The following MUC6 variants were observed in gnomAD, a reference collection of about 807,000 sequenced individuals.
MUC6 encodes the protein mucin-6.
A neutral mutation model predicts 201.5 loss-of-function variants in MUC6; 188 were observed. That is an observed-to-expected ratio of 0.93 (90% CI 0.83 to 1.05). The LOEUF (loss-of-function observed/expected upper bound fraction) is 1.05, where lower values mean the gene tolerates loss of function less well. Ranked by LOEUF, MUC6 falls within the 50% of genes least tolerant of loss-of-function variation. The pLI is 0.00. For missense variants in MUC6, 2,706 were observed against 3,256.9 expected (o/e 0.83, Z 4.12); for synonymous variants, 1,228 against 1,389.4 (o/e 0.88, Z 2.58).
chr11:1,016,234 A>G lies in MUC6; in HGVS notation c.6567T>C (p.Thr2189=). 6.2e-7 allele frequency: 1 copy of G among 1,613,378 alleles called. No homozygotes were observed. Among genetic ancestry groups the G allele is most frequent in the Non-Finnish European group, 8.5e-7 (1 of 1,179,758 alleles). The change falls in exon 31 of 33, where the codon ACT becomes ACC. Residue 2189 remains threonine (T), a synonymous_variant. Coordinates refer to ENST00000421673, the MANE Select transcript of MUC6 (RefSeq NM_005961.3). ...AAAGAGGAGATGCAGACACTGATGC[A>G]GTCGTGGGATGAGTGGACAATGAGG... is the stretch of plus-strand genomic sequence containing the variant. The part of the protein sequence containing the change: ...SHSSLSTHPT[T]ASVSASPLFP...
At chr11:1,026,615 G>A (rs1385908783) in intron 19 of MUC6, 137 bp from the exon 20 acceptor site, 2 of 1,142,820 alleles carry the variant, frequency 1.8e-6, no homozygotes, top group Admixed American at 6.1e-5. Context: ...GGCCTTTGTG[G>A]GCAGCTGGGC....
At position 1,033,133 on chromosome 11, in the gene MUC6, G is replaced by T. The variant is rs760983534; in HGVS notation, c.53-58C>A. 1.7e-5 allele frequency: 26 copies of T among 1,506,632 alleles called. No individual in the cohort carries two copies. The African/African-American group carries it at 2.9e-4, about 17-fold the overall frequency. 93.3% of individuals were successfully genotyped at this position (1,506,632 alleles called of 1,614,324 possible). A position where few individuals can be genotyped will look rare whatever the true frequency, so the allele number is the denominator to read the frequency against. On this transcript the variant is annotated intron_variant, in intron 1 of 32. Transcript: ENST00000421673. This position sits in a 1 kb window ranked among gnomAD's most constrained non-coding sequence, Gnocchi z 5.6. ...CTACCCCGTCGTCCCTGAGGGCGCC[G>T]CTCACCTCTGCTCAGGGCTGCTCCG...
At position 1,036,238 on chromosome 11, in the gene MUC6, C is replaced by A. The variant is rs529688219; in HGVS notation, c.52+366G>T. Among the ~76,000 whole-genome samples the A allele has an allele frequency of 5.3e-5, 8 of 152,316 alleles. No individual in the cohort carries two copies. In the South Asian group the frequency reaches 1.7e-3, roughly 32 times the overall value. ...TCCAGAGACCTCTCAGGACTCAGGA[C>A]CCCACTCGGGGAGGGAGAGCGCCAG... On this transcript the variant is annotated intron_variant, in intron 1 of 32. Coordinates refer to ENST00000421673, the MANE Select transcript of MUC6 (RefSeq NM_005961.3).
chr11:1,023,147 GTGAATGTGCGTGAA>G (rs1237328557), intron 26 of MUC6, among the ~76,000 whole-genome samples: 1 of 151,732 alleles, frequency 6.6e-6, no homozygotes, highest in Admixed American at 6.6e-5. Flanking sequence ...ATGTGCGTGA[GTGAATGTGCGTGAA>G]TGAATGTGCA....
chr11:1,019,273 A>C lies in MUC6; in HGVS notation c.4030+2T>G, dbSNP rs1192316614. ...CTGGCATCCCATGGCGCCATGACTT[A>C]CGCAGCGTGGGGCTTGTCCCTGATG... On this transcript the variant is annotated splice_donor_variant, in intron 30 of 32. Transcript: ENST00000421673. LOFTEE classifies it high-confidence loss of function. 1 of 1,613,662 alleles carries C rather than the reference A, an allele frequency of 6.2e-7. No individual in the cohort carries two copies. The highest frequency in any genetic ancestry group is 8.5e-7 in the Non-Finnish European group (1 of 1,179,792).
At position 1,018,400 on chromosome 11, in the gene MUC6, G is replaced by T; in HGVS notation, c.4401C>A (p.His1467Gln). The T allele has an allele frequency of 1.3e-6, 2 of 1,574,118 alleles. No homozygotes were observed. The highest frequency in any genetic ancestry group is 8.6e-7 in the Non-Finnish European group (1 of 1,156,232). ...TGGAGGCAGATGTGGCCATCTGTGC[G>T]TGGGTAGGGGTGATGACTGTGTGAG... is the stretch of plus-strand genomic sequence containing the variant. The part of the protein sequence containing the change: ...PSTHTVITPT[H>Q]AQMATSASNH... The change falls in exon 31 of 33, where the codon CAC becomes CAA. Residue 1467 changes from histidine (H) to glutamine (Q), a missense_variant. Physicochemically the swap from His to Gln is conservative, Grantham distance 24. Around this residue, in one of 10 missense-constraint regions of MUC6, gnomAD observed 128 missense variants for 206.5 expected, o/e 0.62. Transcript: ENST00000421673.
At position 1,029,347 on chromosome 11, in the gene MUC6, A is replaced by G; in HGVS notation, c.1156T>C (p.Trp386Arg). 1 of 1,601,880 alleles carries G rather than the reference A, an allele frequency of 6.2e-7. No individual in the cohort carries two copies. Among genetic ancestry groups the G allele is most frequent in the Non-Finnish European group, 8.5e-7 (1 of 1,174,968 alleles). ...GGGCACGGCCGCTCCGTGCACACCCAGCGGCCCAGGGTGCACCGGCTGTGG... is the reference window on the plus strand; with the variant it reads ...GGGCACGGCCGCTCCGTGCACACCCGGCGGCCCAGGGTGCACCGGCTGTGG... ...CQTCRCTLGR[W>R]VCTERPCPGH... Residue 386 changes from tryptophan to arginine, a missense_variant, in exon 10 of 33, where the codon TGG (tryptophan) becomes CGG (arginine). Transcript: ENST00000421673.
intron 26 of MUC6, among the ~76,000 whole-genome samples, chr11:1,022,477 C>T (rs1433411637): frequency 6.6e-6 from 1 of 152,254 alleles, no homozygotes; most frequent in Non-Finnish European, 1.5e-5. Flanking sequence ...CCCTCCTCAC[C>T]TTTCCCATCC....
intron 26 of MUC6, among the ~76,000 whole-genome samples, chr11:1,022,471 C>G (rs559475636): frequency 2.0e-5 from 3 of 152,238 alleles, no homozygotes; most frequent in Admixed American, 6.5e-5. Flanking sequence ...TGGCTCCCCT[C>G]CTCACCTTTC....
intron 27 of MUC6, 57 bp from the exon 28 acceptor site, chr11:1,020,791 G>T: frequency 6.3e-7 from 1 of 1,588,624 alleles, no homozygotes; most frequent in Admixed American, 1.7e-5. Flanking sequence ...ACCCCGTGGG[G>T]CCTCTGGGAG....
rs1489803692 is a variant in MUC6 at position 1,025,340 on chromosome 11, T to C, written c.2827A>G (p.Asn943Asp). ...GGLSVVLADR[N>D]YTVTGEEPHV... ...GGCTCCTCCCCGGTGACCGTGTAGT[T>C]TCTGTCCGCCAGCACCACGGACAGG... The change falls in exon 23 of 33, where the codon AAC becomes GAC. Residue 943 changes from asparagine (N) to aspartate (D), a missense_variant. Around this residue, in one of 10 missense-constraint regions of MUC6, gnomAD observed 1,850 missense variants for 1,958.3 expected, o/e 0.94. Transcript: ENST00000421673. 5.6e-6 allele frequency: 9 copies of C among 1,611,172 alleles called. No individual in the cohort carries two copies. Among genetic ancestry groups the C allele is most frequent in the African/African-American group, 1.3e-5 (1 of 75,036 alleles).
chr11:1,031,117 G>GGC, intron 5 of MUC6, 52 bp downstream of exon 5: 3 of 1,230,404 alleles, frequency 2.4e-6, no homozygotes, highest in Non-Finnish European at 3.1e-6. Flanking sequence ...CCCCTGCCCT[G>GGC]CCCCCCACCT....
chr11:1,026,026 C>T lies in MUC6; in HGVS notation c.2662G>A (p.Gly888Ser), dbSNP rs748266119. 7.6e-6 allele frequency: 12 copies of T among 1,587,684 alleles called. No homozygotes were observed. The highest frequency in any genetic ancestry group is 2.3e-5 in the South Asian group (2 of 87,334). ...GTGGCCAGGATGTACTCGCAGTTGC[C>T]GTCGAATACGAAGCGCTGGCCGTCG... Reference protein sequence around the residue: ...TFDGQRFVFDGNCEYILATDV... With the variant: ...TFDGQRFVFDSNCEYILATDV... The change falls in exon 21 of 33, where the codon GGC becomes AGC. Residue 888 changes from glycine to serine, a missense_variant. This residue lies in a region of MUC6 where 1,850 missense variants were observed against 1,958.3 expected (regional missense o/e 0.94). Coordinates refer to ENST00000421673, the MANE Select transcript of MUC6 (RefSeq NM_005961.3).
At position 1,030,201 on chromosome 11, in the gene MUC6, G is replaced by A. The variant is rs1419811891; in HGVS notation, c.1015+12C>T. 16 of 1,549,884 alleles carry A rather than the reference G, an allele frequency of 1.0e-5. No homozygotes were observed. Among genetic ancestry groups the A allele is most frequent in the African/African-American group, 1.4e-5 (1 of 73,092 alleles). ...GGTCCCGGGGAGAGAGAGTGCCTGC[G>A]ACTGCCCTCACCTTCCGGGCAGAAG... On this transcript the variant is annotated intron_variant, in intron 8 of 32. Coordinates refer to ENST00000421673, the MANE Select transcript of MUC6 (RefSeq NM_005961.3).
chr11:1,021,010 G>GT, intron 27 of MUC6, among the ~76,000 whole-genome samples: 1 of 152,162 alleles, frequency 6.6e-6, no homozygotes. Context: ...TCAGTGCTGT[G>GT]TTTTTTTCTC....
At chr11:1,034,378 T>C (rs1857171883) in intron 1 of MUC6, among the ~76,000 whole-genome samples, 1 of 152,202 alleles carries the variant, frequency 6.6e-6, no homozygotes, top group Non-Finnish European at 1.5e-5. Context: ...GCCCTGAGCC[T>C]GGCGAGCACC....
At chr11:1,027,911 G>A (rs1001069195) in intron 15 of MUC6, 54 bp downstream of exon 15, 9 of 1,562,484 alleles carry the variant, frequency 5.8e-6, no homozygotes, top group Non-Finnish European at 7.8e-6. Context: ...CTGAGACCTT[G>A]TCAGCCACCA....
Position 1,027,505 on chromosome 11 carries a change from G to C in MUC6, c.1994C>G (p.Thr665Arg), listed in dbSNP as rs368886191. 3 of 1,612,480 alleles carry C rather than the reference G, an allele frequency of 1.9e-6. No individual in the cohort carries two copies. Among genetic ancestry groups the C allele is most frequent in the Admixed American group, 3.3e-5 (2 of 60,010 alleles). Residue 665 changes from threonine to arginine, a missense_variant, in exon 17 of 33, where the codon ACG becomes AGG. By Grantham distance (71) the Thr-to-Arg change is moderately conservative. Around this residue, in one of 10 missense-constraint regions of MUC6, gnomAD observed 1,850 missense variants for 1,958.3 expected, o/e 0.94. Transcript: ENST00000421673. ...SSVDNCTIPC[T>R]GNTTFSYNSQ... ...GTTGTAGCTGAAGGTGGTGTTACCCGTGCAGGGGATGGCTGTGGGGGACCC... is the reference window on the plus strand; with the variant it reads ...GTTGTAGCTGAAGGTGGTGTTACCCCTGCAGGGGATGGCTGTGGGGGACCC...
In MUC6 at chr11:1,015,903, C is replaced by T. The variant is rs753351755; in HGVS notation, c.6898G>A (p.Val2300Ile). The T allele has an allele frequency of 3.7e-6, 6 of 1,607,550 alleles. No homozygotes were observed. Among genetic ancestry groups the T allele is most frequent in the Non-Finnish European group, 5.1e-6 (6 of 1,176,244 alleles). ...SGVTGIPTSP[V>I]TNLTTRHPGP... ...GGGTGCCTGGTGGTAAGGTTGGTGA[C>T]TGGAGAGGTGGGGATACCCGTCACC... Residue 2300 changes from valine (V) to isoleucine (I), a missense_variant, in exon 31 of 33, where the codon GTC (valine) becomes ATC (isoleucine). Val to Ile is a conservative substitution (Grantham distance 29, BLOSUM62 3). Coordinates refer to ENST00000421673, the MANE Select transcript of MUC6 (RefSeq NM_005961.3).
Sources: allele counts gnomAD v4.1 joint callset (sites outside exome capture counted in the v4.1 genomes callset), GRCh38; gene constraint gnomAD v4.1.1; regional missense constraint gnomAD v4.1.1; non-coding constraint Gnocchi (gnomAD v3.1); transcripts MANE v1.5; gene names NCBI Gene and HGNC (gene_info 2026-07-23, HGNC 2026-07-21).